The following EMC8 variants were observed in gnomAD, a reference collection of about 807,000 sequenced individuals.
EMC8 encodes the protein ER membrane protein complex subunit 8, also known as COX4 neighbor.
In EMC8, 11 loss-of-function variants were observed where a neutral mutation model predicts 24.3. The observed-to-expected ratio is 0.45, with a 90% CI of 0.28 to 0.75. The LOEUF (loss-of-function observed/expected upper bound fraction) is 0.75, where lower values mean the gene tolerates loss of function less well. Ranked by LOEUF, EMC8 falls within the 30% of genes least tolerant of loss-of-function variation. The pLI is 0.12. For synonymous variants in EMC8, 145 were observed against 117.7 expected (o/e 1.23, Z -1.50); for missense variants, 277 against 282.7 (o/e 0.98, Z 0.14).
chr16:85,796,327 A>G (rs1027060334), intron 1 of EMC8, among the ~76,000 whole-genome samples: 2 of 152,136 alleles, frequency 1.3e-5, no homozygotes, highest in African/African-American at 2.4e-5. Context: ...CCCTAGGTCC[A>G]TGCACGATTA....
chr16:85,784,002 T>C (rs1474350298), intron 2 of EMC8, among the ~76,000 whole-genome samples: 1 of 152,130 alleles, frequency 6.6e-6, no homozygotes, highest in African/African-American at 2.4e-5. Flanking sequence ...CATCTTTCTT[T>C]TTTTTTCTTT....
chr16:85,799,011 G>A lies in EMC8; in HGVS notation c.231+54C>T. Reference sequence around the variant, plus strand: ...CCGCTGGGCCAGCTTCCTCTCTGCTGACTGAGGGGAGGCCAGGCTGCCTGC... The same window carrying A: ...CCGCTGGGCCAGCTTCCTCTCTGCTAACTGAGGGGAGGCCAGGCTGCCTGC... On this transcript the variant is annotated intron_variant, in intron 1 of 4. Transcript: ENST00000253457. This position sits in a 1 kb window ranked among gnomAD's most constrained non-coding sequence, Gnocchi z 4.2. 1 of 1,269,556 alleles carries A rather than the reference G, an allele frequency of 7.9e-7. No homozygotes were observed. The highest frequency in any genetic ancestry group is 1.1e-6 in the Non-Finnish European group (1 of 911,046). The allele number at this position is 1,269,556 out of a possible 1,614,324, so 78.6% of individuals were successfully genotyped here.
At position 85,799,351 on chromosome 16, in the gene EMC8, C is replaced by G; in HGVS notation, c.-56G>C. The G allele has an allele frequency of 1.7e-6, 2 of 1,147,686 alleles. No homozygotes were observed. The highest frequency in any genetic ancestry group is 3.1e-5 in the East Asian group (1 of 32,706). 71.1% of individuals were successfully genotyped at this position (1,147,686 alleles called of 1,614,324 possible). ...GGCGCGCGGCTGAGGCCTGGACCCG[C>G]TGCCTGGCCGCGCGGCGCCTCAGCC... On this transcript the variant is annotated 5_prime_UTR_variant, in exon 1 of 5. Transcript: ENST00000253457. The surrounding 1 kb of genome is among the most constrained non-coding windows in gnomAD (Gnocchi z 4.2).
At position 85,779,084 on chromosome 16, in the gene EMC8, G is replaced by C. The variant is rs2152071634; in HGVS notation, c.*624C>G. ...GTCTGCTTTTGCCCCTAACGATAAA[G>C]GCTTCTGTGGCATCAGTGGTGTCAC... is the stretch of plus-strand genomic sequence containing the variant. On this transcript the variant is annotated 3_prime_UTR_variant, in exon 5 of 5. Coordinates refer to ENST00000253457, the MANE Select transcript of EMC8 (RefSeq NM_006067.5). 1 of 152,334 alleles carries C rather than the reference G, an allele frequency of 6.6e-6. No homozygotes were observed. The highest frequency in any genetic ancestry group is 2.1e-4 in the South Asian group (1 of 4,830). 9.4% of individuals were successfully genotyped at this position (152,334 alleles called of 1,614,324 possible). A position where few individuals can be genotyped will look rare whatever the true frequency, so the allele number is the denominator to read the frequency against.
intron 1 of EMC8, among the ~76,000 whole-genome samples, chr16:85,795,177 G>A (rs910028822): frequency 1.3e-4 from 20 of 152,212 alleles, no homozygotes; most frequent in Non-Finnish European, 2.5e-4. Flanking sequence ...ACTTAAGAAT[G>A]AGAAGAATAA....
chr16:85,780,384 T>C lies in EMC8; in HGVS notation c.468A>G (p.Pro156=). Residue 156 remains proline (P), a synonymous_variant, in exon 4 of 5, where the codon CCA becomes CCG. Coordinates refer to ENST00000253457, the MANE Select transcript of EMC8 (RefSeq NM_006067.5). ...GCAGCATGGGGCGCACTCACTGGTG[T>C]GGGTCTCTGCACCGCCATCTGTTCT... The part of the protein sequence containing the change: ...HHENRWRCRD[P]HHDYCEDWPE... 1.9e-6 allele frequency: 3 copies of C among 1,613,608 alleles called. No individual in the cohort carries two copies. Among genetic ancestry groups the C allele is most frequent in the Non-Finnish European group, 2.5e-6 (3 of 1,179,504 alleles).
At position 85,795,578 on chromosome 16, in the gene EMC8, C is replaced by T. The variant is rs568402831; in HGVS notation, c.231+3487G>A. The stretch of plus-strand genomic sequence containing the variant: ...CCAGGAGAGGGTCCCCCCTAGACCT[C>T]GGGGGAAGGAATGCTGATGTCATGA... On this transcript the variant is annotated intron_variant, in intron 1 of 4. Transcript: ENST00000253457. Among the ~76,000 whole-genome samples, 12 of 152,204 alleles carry T rather than the reference C, an allele frequency of 7.9e-5. 1 individual carries two copies. In the South Asian group the frequency reaches 2.1e-3, roughly 26 times the overall value.
chr16:85,779,533 ACT>A lies in EMC8; in HGVS notation c.*173_*174del, dbSNP rs1904389115. 1 of 602,532 alleles carries A rather than the reference ACT, an allele frequency of 1.7e-6. No individual in the cohort carries two copies. Among genetic ancestry groups the A allele is most frequent in the East Asian group, 2.9e-5 (1 of 33,946 alleles). 37.3% of individuals were successfully genotyped at this position (602,532 alleles called of 1,614,324 possible). A position where few individuals can be genotyped will look rare whatever the true frequency, so the allele number is the denominator to read the frequency against. On this transcript the variant is annotated 3_prime_UTR_variant, in exon 5 of 5. Coordinates refer to ENST00000253457, the MANE Select transcript of EMC8 (RefSeq NM_006067.5). ...CGGGATGTCTGCACCTCTTCTAGAGACTCTGTGTTAAAAACACGACCGACTGA... is the reference window on the plus strand; with the variant it reads ...CGGGATGTCTGCACCTCTTCTAGAGACTGTGTTAAAAACACGACCGACTGA...
chr16:85,790,062 T>G (rs1005289114), intron 1 of EMC8, among the ~76,000 whole-genome samples: 25 of 152,158 alleles, frequency 1.6e-4, no homozygotes, highest in African/African-American at 5.6e-4. Flanking sequence ...CAACAAAAGC[T>G]CATCCTGTTT....
Position 85,779,861 on chromosome 16 carries a change from G to A in EMC8, c.480C>T (p.Tyr160=), listed in dbSNP as rs1014139736. Residue 160 remains tyrosine (Y), a synonymous_variant, in exon 5 of 5, where the codon TAC becomes TAT. Transcript: ENST00000253457. ...RWRCRDPHHD[Y]CEDWPEAQRI... The stretch of plus-strand genomic sequence containing the variant: ...TCTGTGCCTCTGGCCAGTCTTCACA[G>A]TAGTCACTACGGGTCAAACATGAAG... 2 of 1,613,934 alleles carry A rather than the reference G, an allele frequency of 1.2e-6. No homozygotes were observed. Among genetic ancestry groups the A allele is most frequent in the African/African-American group, 1.3e-5 (1 of 74,910 alleles).
At chr16:85,793,535 C>T (rs1045682707) in intron 1 of EMC8, among the ~76,000 whole-genome samples, 1 of 152,104 alleles carries the variant, frequency 6.6e-6, no homozygotes, top group Admixed American at 6.5e-5. Flanking sequence ...TCTCCCCATC[C>T]CCAAGGTGGC....
At chr16:85,785,876 T>C (rs1904731656) in intron 2 of EMC8, among the ~76,000 whole-genome samples, 1 of 152,194 alleles carries the variant, frequency 6.6e-6, no homozygotes, top group South Asian at 2.1e-4. Flanking sequence ...AGCTTCCTCC[T>C]GAGTGTCTGC....
chr16:85,796,282 G>C (rs1361437277), intron 1 of EMC8, among the ~76,000 whole-genome samples: 1 of 152,106 alleles, frequency 6.6e-6, no homozygotes, highest in Admixed American at 6.5e-5. Flanking sequence ...CAGCGCACAA[G>C]CCAGGAACCT....
intron 2 of EMC8, among the ~76,000 whole-genome samples, chr16:85,788,527 G>C (rs547619400): frequency 1.3e-5 from 2 of 152,348 alleles, no homozygotes; most frequent in African/African-American, 4.8e-5. Context: ...GGAAAAGAAA[G>C]AAGGAGCCAG....
In EMC8 at chr16:85,781,760, G is replaced by A. The variant is rs555150104; in HGVS notation, c.309-480C>T. On this transcript the variant is annotated intron_variant, in intron 2 of 4. Coordinates refer to ENST00000253457, the MANE Select transcript of EMC8 (RefSeq NM_006067.5). ...CTGTGCCCAGCCTACTTATTTATTT[G>A]TATTGCTGGGGAGAGTGTGAGTGCA... The A allele has an allele frequency of 1.9e-5, 3 of 161,312 alleles. No homozygotes were observed. The East Asian group carries it at 5.4e-4, about 29-fold the overall frequency. The allele number at this position is 161,312 out of a possible 1,614,324, so 10.0% of individuals were successfully genotyped here.
intron 1 of EMC8, among the ~76,000 whole-genome samples, chr16:85,794,390 AAT>A (rs1432187393): frequency 2.0e-5 from 3 of 152,082 alleles, no homozygotes; most frequent in Non-Finnish European, 2.9e-5. Context: ...AGTTTTTGTG[AAT>A]ATGAGAAAAG....
chr16:85,796,433 T>C (rs1905246270), intron 1 of EMC8, among the ~76,000 whole-genome samples: 3 of 152,162 alleles, frequency 2.0e-5, no homozygotes, highest in Non-Finnish European at 2.9e-5. Context: ...CTGCCTCTAG[T>C]CTTGGGTGTA....
intron 2 of EMC8, among the ~76,000 whole-genome samples, chr16:85,784,036 T>C (rs1290793836): frequency 6.6e-6 from 1 of 152,184 alleles, no homozygotes; most frequent in East Asian, 1.9e-4. Flanking sequence ...TCTCACTCTG[T>C]CGCCTAGGCT....
At chr16:85,796,772 C>T (rs555962472) in intron 1 of EMC8, among the ~76,000 whole-genome samples, 1 of 152,324 alleles carries the variant, frequency 6.6e-6, no homozygotes, top group South Asian at 2.1e-4. Flanking sequence ...AAGGCTGGCC[C>T]GCTGCCTGCA....
Sources: gnomAD v4.1 joint callset for allele counts (sites outside exome capture counted in the v4.1 genomes callset) on GRCh38, gnomAD v4.1.1 for gene constraint, Gnocchi (gnomAD v3.1) non-coding constraint, MANE v1.5 for transcripts, NCBI Gene and HGNC (gene_info 2026-07-23, HGNC 2026-07-21) for gene names.